SERPINI1: variants seen among roughly 807,000 people sequenced by gnomAD.
SERPINI1 encodes the protein serpin family I member 1, also known as neuroserpin.
In SERPINI1, 19 loss-of-function variants were observed where a neutral mutation model predicts 41.1. That is an observed-to-expected ratio of 0.46 (90% CI 0.32 to 0.68). The LOEUF (loss-of-function observed/expected upper bound fraction) is 0.68, where lower values mean the gene tolerates loss of function less well. Ranked by LOEUF, SERPINI1 falls within the 30% of genes least tolerant of loss-of-function variation. The probability of loss-of-function intolerance (pLI) is 0.03; values close to 1 mark genes in which losing one functional copy is unlikely to be tolerated. For synonymous variants in SERPINI1, 138 were observed against 156.6 expected, an observed-to-expected ratio of 0.88 and a Z score of 0.89; for missense variants, 460 against 479.2, an observed-to-expected ratio of 0.96 and a Z score of 0.37.
chr3:167,781,455 AT>A (rs1342171652), intron 1 of SERPINI1, among the ~76,000 whole-genome samples: 1 of 151,778 alleles, frequency 6.6e-6, no homozygotes, highest in East Asian at 1.9e-4. Flanking sequence ...ATTTTTGTAA[AT>A]TTTTTTGCCG....
chr3:167,775,129 T>C (rs1433562623), intron 1 of SERPINI1, among the ~76,000 whole-genome samples: 2 of 148,716 alleles, frequency 1.3e-5, no homozygotes. Flanking sequence ...CTTTGAATGC[T>C]CTAAAAGTCT....
At chr3:167,740,360 C>G (rs1259519629) in intron 1 of SERPINI1, among the ~76,000 whole-genome samples, 1 of 152,110 alleles carries the variant, frequency 6.6e-6, no homozygotes, top group Non-Finnish European at 1.5e-5. Flanking sequence ...AGCACTGTGC[C>G]TTGTGTAGAG....
chr3:167,759,783 G>C (rs1248037902), intron 1 of SERPINI1, among the ~76,000 whole-genome samples: 2 of 150,926 alleles, frequency 1.3e-5, no homozygotes, highest in Non-Finnish European at 3.0e-5. Flanking sequence ...AAAAATAAAT[G>C]AAGTAATGAA....
At chr3:167,776,418 A>AT (rs1337505442) in intron 1 of SERPINI1, among the ~76,000 whole-genome samples, 4 of 152,174 alleles carry the variant, frequency 2.6e-5, no homozygotes, top group African/African-American at 7.2e-5. Flanking sequence ...GCATTGATTG[A>AT]TTTTGCTTTC....
intron 1 of SERPINI1, among the ~76,000 whole-genome samples, chr3:167,753,219 C>T (rs996359720): frequency 3.3e-5 from 5 of 152,034 alleles, no homozygotes; most frequent in African/African-American, 1.2e-4. Context: ...GGTTTCAAAT[C>T]CCATCTTTGT....
At chr3:167,776,241 T>G (rs1427705576) in intron 1 of SERPINI1, among the ~76,000 whole-genome samples, 1 of 152,252 alleles carries the variant, frequency 6.6e-6, no homozygotes, top group Non-Finnish European at 1.5e-5. Context: ...TTAGGGCTTG[T>G]GTGTCACTTG....
chr3:167,793,430 T>C (rs1354850391), intron 4 of SERPINI1, among the ~76,000 whole-genome samples: 1 of 151,776 alleles, frequency 6.6e-6, no homozygotes, highest in African/African-American at 2.4e-5. Context: ...GTACTAGTAG[T>C]TTTATTCTAT....
chr3:167,763,918 T>C (rs1726471560), intron 1 of SERPINI1, among the ~76,000 whole-genome samples: 1 of 152,138 alleles, frequency 6.6e-6, no homozygotes, highest in Non-Finnish European at 1.5e-5. Flanking sequence ...ATAAATTATA[T>C]TCTCCCAAAA....
intron 1 of SERPINI1, among the ~76,000 whole-genome samples, chr3:167,744,990 C>A (rs973697790): frequency 1.3e-5 from 2 of 149,120 alleles, no homozygotes; most frequent in African/African-American, 4.9e-5. Flanking sequence ...GTAGGGGAAC[C>A]TAATATAGTA....
Position 167,824,551 on chromosome 3 carries a change from A to G in SERPINI1, c.1145A>G (p.Asn382Ser), listed in dbSNP as rs201305488. 2 of 1,611,168 alleles carry G rather than the reference A, an allele frequency of 1.2e-6. No individual in the cohort carries two copies. The highest frequency in any genetic ancestry group is 1.7e-6 in the Non-Finnish European group (2 of 1,177,566). The change falls in exon 8 of 9, where the codon AAC (asparagine) becomes AGC (serine). Residue 382 changes from asparagine (N) to serine (S), a missense_variant. Transcript: ENST00000446050. ...VDHPFFFLIR[N>S]RRTGTILFMG... ...CATCCATTTTTCTTTCTTATCAGAA[A>G]CAGGAGAACTGGTAAGTTTATTATG...
At chr3:167,740,260 A>G (rs771018457) in intron 1 of SERPINI1, among the ~76,000 whole-genome samples, 30 of 152,216 alleles carry the variant, frequency 2.0e-4, no homozygotes, top group Non-Finnish European at 3.8e-4. Context: ...CAAACTCCTG[A>G]CCTCAAACAA....
chr3:167,777,265 G>A (rs1002694531), intron 1 of SERPINI1, among the ~76,000 whole-genome samples: 7 of 152,108 alleles, frequency 4.6e-5, no homozygotes, highest in Non-Finnish European at 1.0e-4. Flanking sequence ...AGTCCTTCTT[G>A]AACAGTCCTC....
chr3:167,817,038 G>A (rs1219713351), intron 6 of SERPINI1, among the ~76,000 whole-genome samples: 2 of 151,818 alleles, frequency 1.3e-5, no homozygotes, highest in Non-Finnish European at 2.9e-5. Context: ...TGAGGTGAGA[G>A]GGAGAGCAAG....
intron 1 of SERPINI1, among the ~76,000 whole-genome samples, chr3:167,759,462 C>T (rs879606744): frequency 6.8e-6 from 1 of 146,354 alleles, no homozygotes; most frequent in Non-Finnish European, 1.5e-5. Context: ...AGAATGAAAT[C>T]ATATACTTCG....
intron 1 of SERPINI1, among the ~76,000 whole-genome samples, chr3:167,757,890 G>A (rs1041145409): frequency 6.6e-6 from 1 of 152,144 alleles, no homozygotes; most frequent in Admixed American, 6.5e-5. Context: ...CTACACTCCA[G>A]CTGGGGCAAC....
chr3:167,784,129 T>C (rs977671959), intron 1 of SERPINI1, among the ~76,000 whole-genome samples: 15 of 148,094 alleles, frequency 1.0e-4, no homozygotes, highest in Non-Finnish European at 1.6e-4. Flanking sequence ...CCATCTAACA[T>C]TGCTTTTTTT....
At chr3:167,747,964 C>A (rs1725916318) in intron 1 of SERPINI1, among the ~76,000 whole-genome samples, 1 of 149,332 alleles carries the variant, frequency 6.7e-6, no homozygotes, top group African/African-American at 2.5e-5. Flanking sequence ...AAAATGAAGG[C>A]AAGGAAAAAG....
intron 1 of SERPINI1, among the ~76,000 whole-genome samples, chr3:167,774,349 C>A (rs1002285854): frequency 3.3e-5 from 5 of 152,086 alleles, no homozygotes; most frequent in African/African-American, 1.2e-4. Flanking sequence ...ATTCATCTTA[C>A]CAAAAGGGCC....
chr3:167,752,661 A>G (rs11710323), intron 1 of SERPINI1, among the ~76,000 whole-genome samples: 459 of 152,110 alleles, frequency 3.0e-3, no homozygotes, highest in Admixed American at 5.2e-3. Context: ...TTTATAAATT[A>G]TACTGTGTTT....
Sources: allele counts gnomAD v4.1 joint callset (sites outside exome capture counted in the v4.1 genomes callset), GRCh38; gene constraint gnomAD v4.1.1; transcripts MANE v1.5; gene names NCBI Gene and HGNC (gene_info 2026-07-23, HGNC 2026-07-21).